Variants in HECW1 observed in about 807,000 individuals in gnomAD.
HECW1 encodes the protein HECT, C2 and WW domain containing E3 ubiquitin protein ligase 1.
In HECW1, 61 loss-of-function variants were observed where a neutral mutation model predicts 182.3. That is an observed-to-expected ratio of 0.33 (90% confidence interval 0.27 to 0.41). The LOEUF is 0.41. HECW1 is among the 10% of genes least tolerant of loss of function. HECW1 has a pLI of 1.00. For synonymous variants in HECW1, 859 were observed against 832.6 expected (o/e 1.03, Z -0.55); for missense variants, 1,739 against 2,108.9 (o/e 0.82, Z 3.44).
intron 2 of HECW1, among the ~76,000 whole-genome samples, chr7:43,177,869 C>T (rs934663131): frequency 2.0e-5 from 3 of 152,142 alleles, no homozygotes; most frequent in Admixed American, 1.3e-4. Context: ...CCCTTTACTC[C>T]CCTACAGGAG....
At chr7:43,445,722 G>GTATC (rs775734996) in intron 11 of HECW1, 152 bp downstream of exon 11, 21 of 916,808 alleles carry the variant, frequency 2.3e-5, no homozygotes, top group Admixed American at 2.9e-5. Context: ...GTGTGCATGT[G>GTATC]TATCTGTGTA....
chr7:43,443,770 C>G (rs1195503569), intron 10 of HECW1, among the ~76,000 whole-genome samples: 1 of 152,200 alleles, frequency 6.6e-6, no homozygotes, highest in Non-Finnish European at 1.5e-5. Flanking sequence ...ATCCTGCTTA[C>G]CCCTTATGCC....
At chr7:43,323,142 T>G (rs1810342533) in intron 5 of HECW1, among the ~76,000 whole-genome samples, 1 of 152,234 alleles carries the variant, frequency 6.6e-6, no homozygotes, top group South Asian at 2.1e-4. Flanking sequence ...ATGGGGAATT[T>G]GTGTTGTAAA....
chr7:43,455,894 G>A (rs1383584025), intron 12 of HECW1, among the ~76,000 whole-genome samples: 1 of 152,098 alleles, frequency 6.6e-6, no homozygotes, highest in Admixed American at 6.5e-5. Context: ...CCAGCTACTT[G>A]GAAGGCTGAG....
intron 6 of HECW1, among the ~76,000 whole-genome samples, chr7:43,387,332 G>A (rs2074840908): frequency 6.6e-6 from 1 of 152,052 alleles, no homozygotes; most frequent in Non-Finnish European, 1.5e-5. Context: ...TTTCTCTGTG[G>A]TCTTTATTCA....
chr7:43,539,898 G>A (rs1338150848), intron 24 of HECW1, among the ~76,000 whole-genome samples: 1 of 152,174 alleles, frequency 6.6e-6, no homozygotes, highest in Non-Finnish European at 1.5e-5. Flanking sequence ...CAGTTATGGG[G>A]TGGTCGGGAA....
intron 2 of HECW1, among the ~76,000 whole-genome samples, chr7:43,178,332 T>G (rs1370332618): frequency 6.6e-6 from 1 of 152,120 alleles, no homozygotes; most frequent in South Asian, 2.1e-4. Context: ...ACTATCCCCA[T>G]GGACCGAGCC....
rs764837394 is a variant in HECW1 at position 43,492,155 on chromosome 7, A to G, written c.3315A>G (p.Gln1105=). 66 of 1,601,772 alleles carry G rather than the reference A, an allele frequency of 4.1e-5. No homozygotes were observed. The highest frequency in any genetic ancestry group is 5.3e-5 in the Non-Finnish European group (62 of 1,176,686). Residue 1105 remains glutamine (Q), a synonymous_variant, in exon 18 of 30, where the codon CAA becomes CAG. Transcript: ENST00000395891. The part of the protein sequence containing the change: ...GHSLVAAIRS[Q]HQHESLPLAY... ...GCTTAGTAGCTGCTATTCGAAGCCA[A>G]CATCAACATGAGTCATTGCCACTGG... is the stretch of plus-strand genomic sequence containing the variant.
chr7:43,453,761 A>G (rs142810665), intron 12 of HECW1, among the ~76,000 whole-genome samples: 106 of 152,310 alleles, frequency 7.0e-4, no homozygotes, highest in African/African-American at 2.5e-3. Flanking sequence ...GCACTGCTAT[A>G]ACTTGCCCCA....
intron 5 of HECW1, among the ~76,000 whole-genome samples, chr7:43,332,601 T>C (rs1811636500): frequency 6.6e-6 from 1 of 152,116 alleles, no homozygotes; most frequent in Non-Finnish European, 1.5e-5. Context: ...CACCACGGTG[T>C]CCAATTACAC....
intron 2 of HECW1, among the ~76,000 whole-genome samples, chr7:43,150,565 G>A (rs1166748808): frequency 5.3e-5 from 8 of 152,154 alleles, no homozygotes. Flanking sequence ...TTTCAGTAAA[G>A]ATGGGGTTTC....
At chr7:43,355,331 G>A (rs944767989) in intron 5 of HECW1, among the ~76,000 whole-genome samples, 1 of 152,118 alleles carries the variant, frequency 6.6e-6, no homozygotes, top group Non-Finnish European at 1.5e-5. Context: ...ATCTCTAGTA[G>A]GAAGCCCAAA....
At chr7:43,248,607 C>T (rs1202828238) in intron 3 of HECW1, 1 of 152,658 alleles carries the variant, frequency 6.6e-6, no homozygotes. Flanking sequence ...AAAATCAGGA[C>T]ATCATTAATT....
chr7:43,248,000 G>A (rs1453936428), intron 3 of HECW1, among the ~76,000 whole-genome samples: 1 of 135,074 alleles, frequency 7.4e-6, no homozygotes, highest in Non-Finnish European at 1.5e-5. Flanking sequence ...AAGGAAGGAA[G>A]GAAAGAAAGA....
chr7:43,361,057 C>CGTGCGT (rs1554378430), intron 6 of HECW1, 77 bp downstream of exon 6: 25,392 of 635,502 alleles, frequency 0.04, 248 homozygotes, highest in South Asian at 0.057. Flanking sequence ...CTTGTGCGTG[C>CGTGCGT]GTGTGTGTGT....
chr7:43,258,543 TG>T (rs1800832112), intron 3 of HECW1: 1 of 152,170 alleles, frequency 6.6e-6, no homozygotes, highest in Non-Finnish European at 1.5e-5. Flanking sequence ...AGGTAGATCC[TG>T]GTCAAGAATG....
intron 13 of HECW1, among the ~76,000 whole-genome samples, chr7:43,459,631 G>A (rs902750202): frequency 6.6e-5 from 10 of 151,824 alleles, no homozygotes; most frequent in South Asian, 2.1e-4. Flanking sequence ...TCCGCCTCCC[G>A]GGTTCAAGCG....
At chr7:43,327,450 T>C (rs539782237) in intron 5 of HECW1, among the ~76,000 whole-genome samples, 17 of 152,322 alleles carry the variant, frequency 1.1e-4, no homozygotes, top group African/African-American at 3.8e-4. Flanking sequence ...ATATTCTTAC[T>C]TGTGTTTCTT....
intron 29 of HECW1, among the ~76,000 whole-genome samples, chr7:43,560,956 T>C (rs1225396556): frequency 2.6e-5 from 4 of 152,212 alleles, no homozygotes; most frequent in African/African-American, 9.6e-5. Context: ...CCTTTCTCTC[T>C]ACTACGGTAC....
Sources: allele counts gnomAD v4.1 joint callset (sites outside exome capture counted in the v4.1 genomes callset), GRCh38; gene constraint gnomAD v4.1.1; transcripts MANE v1.5; gene names NCBI Gene and HGNC (gene_info 2026-07-23, HGNC 2026-07-21).